The following FMN1 variants were observed in gnomAD, a reference collection of about 807,000 sequenced individuals.
FMN1 encodes formin-1.
A neutral mutation model predicts 132.4 loss-of-function variants in FMN1; 110 were observed. That is an observed-to-expected ratio of 0.83 (90% CI 0.71 to 0.97). FMN1 has a LOEUF of 0.97. Among genes scored for constraint, FMN1 ranks in the 50% least tolerant of loss-of-function variants. The pLI is 0.00. For missense variants in FMN1, 1,792 were observed against 1,705.3 expected, an observed-to-expected ratio of 1.05 and a Z score of -0.90; for synonymous variants, 722 against 651.7, an observed-to-expected ratio of 1.11 and a Z score of -1.64.
chr15:33,162,338 G>A (rs1964929066), intron 3 of FMN1, among the ~76,000 whole-genome samples: 1 of 151,806 alleles, frequency 6.6e-6, no homozygotes, highest in African/African-American at 2.4e-5. Flanking sequence ...CACACTGTAG[G>A]AGTAAGAACG....
At chr15:33,047,583 T>A (rs1023835411) in intron 6 of FMN1, among the ~76,000 whole-genome samples, 1 of 152,186 alleles carries the variant, frequency 6.6e-6, no homozygotes, top group African/African-American at 2.4e-5. Context: ...GCCTCAGAAA[T>A]TAAAAGCAAA....
intron 16 of FMN1, among the ~76,000 whole-genome samples, chr15:32,873,578 A>G (rs1337692827): frequency 6.6e-6 from 1 of 152,110 alleles, no homozygotes. Flanking sequence ...ACAGGAGGCT[A>G]TTACGTGGTT....
chr15:33,096,694 G>T (rs1443859957), intron 4 of FMN1, among the ~76,000 whole-genome samples: 1 of 151,776 alleles, frequency 6.6e-6, no homozygotes, highest in Non-Finnish European at 1.5e-5. Flanking sequence ...TGACCTCCCG[G>T]GCTCAGGTGA....
intron 6 of FMN1, among the ~76,000 whole-genome samples, 184 bp from the exon 7 acceptor site, chr15:33,008,259 C>A (rs2034522346): frequency 6.6e-6 from 1 of 152,040 alleles, no homozygotes; most frequent in African/African-American, 2.4e-5. Flanking sequence ...TAAATTCCTT[C>A]CTTTTAGCAA....
chr15:32,890,610 A>C (rs978035296), intron 15 of FMN1, among the ~76,000 whole-genome samples: 17 of 152,022 alleles, frequency 1.1e-4, no homozygotes, highest in African/African-American at 4.1e-4. Context: ...CTTTTTGATG[A>C]GATTGTTCTT....
chr15:33,086,027 G>A (rs1027360023), intron 5 of FMN1, among the ~76,000 whole-genome samples: 1 of 152,046 alleles, frequency 6.6e-6, no homozygotes, highest in African/African-American at 2.4e-5. Flanking sequence ...TGAGGCAGGC[G>A]GATCATGAGG....
At chr15:32,934,855 C>T (rs1398408047) in intron 9 of FMN1, among the ~76,000 whole-genome samples, 1 of 151,064 alleles carries the variant, frequency 6.6e-6, no homozygotes, top group Non-Finnish European at 1.5e-5. Context: ...GATCCACCCG[C>T]CTCGGCCTCT....
rs2060956312 is a variant in FMN1, at chr15:32,926,238, T to C, written c.3162A>G (p.Lys1054=). Reference sequence around the variant, plus strand: ...TCAAGATTCCCACAGTTTGAGATCGTTTTCCATCCAACAATTTGATGATCT... The same window carrying C: ...TCAAGATTCCCACAGTTTGAGATCGCTTTCCATCCAACAATTTGATGATCT... The part of the protein sequence containing the change: ...VKKIIKLLDG[K]RSQTVGILIS... Residue 1054 remains lysine, a synonymous_variant, in exon 10 of 21, where the codon AAA becomes AAG. Transcript: ENST00000616417. The C allele has an allele frequency of 6.4e-7, 1 of 1,553,440 alleles. No homozygotes were observed. Among genetic ancestry groups the C allele is most frequent in the Admixed American group, 2.0e-5 (1 of 48,918 alleles).
At chr15:32,926,456 G>A (rs1040863528) in intron 9 of FMN1, among the ~76,000 whole-genome samples, 195 bp from the exon 10 acceptor site, 5 of 152,240 alleles carry the variant, frequency 3.3e-5, no homozygotes, top group East Asian at 3.9e-4. Context: ...AATGACAGAC[G>A]TTTTACAAAA....
intron 6 of FMN1, among the ~76,000 whole-genome samples, chr15:33,044,916 G>A (rs1566861069): frequency 6.6e-6 from 1 of 152,182 alleles, no homozygotes; most frequent in Non-Finnish European, 1.5e-5. Context: ...AAGAACTTGG[G>A]ACCTGCCAAA....
At chr15:33,067,637 G>A in intron 5 of FMN1, 4 of 1,613,988 alleles carry the variant, frequency 2.5e-6, no homozygotes, top group Non-Finnish European at 3.4e-6. Context: ...CCGAGACCCT[G>A]CTTCCTGTGG....
Position 32,968,772 on chromosome 15 carries a change from C to T in FMN1, c.2929G>A (p.Glu977Lys), listed in dbSNP as rs150962800. The T allele has an allele frequency of 0.02, 32,692 of 1,610,208 alleles. 392 individuals carry two copies. The highest frequency in any genetic ancestry group is 0.025 in the Non-Finnish European group (29,299 of 1,179,222). Reference sequence around the variant, plus strand: ...AAAGGCTTCATGGGACAACTGGGCTCGATGGCTGGTTTTCGAGGACATTGA... The same window carrying T: ...AAAGGCTTCATGGGACAACTGGGCTTGATGGCTGGTTTTCGAGGACATTGA... ...SSQCPRKPAI[E>K]PSCPMKPLYW... Residue 977 changes from glutamate to lysine, a missense_variant, in exon 8 of 21, where the codon GAG becomes AAG. This residue lies in a region of FMN1 where 1,150 missense variants were observed against 1,043.1 expected (regional missense o/e 1.10). Coordinates refer to ENST00000616417, the MANE Select transcript of FMN1 (RefSeq NM_001277313.2).
At chr15:33,010,566 T>A (rs1471097054) in intron 6 of FMN1, among the ~76,000 whole-genome samples, 1 of 152,144 alleles carries the variant, frequency 6.6e-6, no homozygotes, top group Non-Finnish European at 1.5e-5. Flanking sequence ...ATATTCATCA[T>A]TTTTCTACTG....
At chr15:32,894,535 C>T (rs2060108478) in intron 15 of FMN1, among the ~76,000 whole-genome samples, 1 of 149,270 alleles carries the variant, frequency 6.7e-6, no homozygotes, top group South Asian at 2.1e-4. Context: ...ACCTCAAAAA[C>T]CAATGCCAAG....
chr15:32,851,264 G>C (rs1473905522), intron 17 of FMN1, among the ~76,000 whole-genome samples: 2 of 152,188 alleles, frequency 1.3e-5, no homozygotes, highest in African/African-American at 2.4e-5. Context: ...ATTAGAGCTA[G>C]TTTAGGTTCC....
At chr15:32,971,145 T>G (rs1049885735) in intron 7 of FMN1, among the ~76,000 whole-genome samples, 7 of 152,220 alleles carry the variant, frequency 4.6e-5, no homozygotes, top group African/African-American at 1.7e-4. Context: ...AATAGCCATC[T>G]CTAGGACTTT....
chr15:33,041,240 AG>A (rs1318417338), intron 6 of FMN1, among the ~76,000 whole-genome samples: 2 of 152,118 alleles, frequency 1.3e-5, no homozygotes, highest in Non-Finnish European at 2.9e-5. Flanking sequence ...TTTGAAGCCT[AG>A]GTCTATGATA....
chr15:32,830,433 T>C (rs1162849081), intron 17 of FMN1, among the ~76,000 whole-genome samples: 1 of 152,198 alleles, frequency 6.6e-6, no homozygotes, highest in Admixed American at 6.5e-5. Context: ...TAATTTTCCT[T>C]TTTGAGTCCT....
chr15:33,079,130 G>A (rs1056306343), intron 5 of FMN1, among the ~76,000 whole-genome samples: 3 of 152,086 alleles, frequency 2.0e-5, no homozygotes, highest in African/African-American at 4.8e-5. Context: ...GGCTTTGGAA[G>A]TATAATACAG....
Sources: gnomAD v4.1 joint callset for allele counts (sites outside exome capture counted in the v4.1 genomes callset) on GRCh38, gnomAD v4.1.1 for gene constraint, gnomAD v4.1.1 regional missense constraint, MANE v1.5 for transcripts, NCBI Gene and HGNC (gene_info 2026-07-23, HGNC 2026-07-21) for gene names.